Variants in DAP3 observed in about 807,000 individuals in gnomAD.
The protein encoded by DAP3 is death associated protein 3, also known as small ribosomal subunit protein mS29.
DAP3 carries 28 observed loss-of-function variants against 51.9 expected under a neutral mutation model. The observed-to-expected ratio is 0.54, with a 90% CI of 0.40 to 0.74. DAP3 has a LOEUF of 0.74. Ranked by LOEUF, DAP3 falls within the 30% of genes least tolerant of loss-of-function variation. The probability of loss-of-function intolerance (pLI) is 0.00; values close to 1 mark genes in which losing one functional copy is unlikely to be tolerated. For synonymous variants in DAP3, 170 were observed against 170.3 expected (o/e 1.00, Z 0.01); for missense variants, 458 against 483.5 (o/e 0.95, Z 0.49).
At chr1:155,688,182 G>A (rs1160741809), upstream of DAP3, 14 of 1,613,930 alleles carry the variant, frequency 8.7e-6, no homozygotes, top group Admixed American at 1.7e-5. Context: ...TTGTCAGGAG[G>A]CGGCCAGCGG....
At chr1:155,709,539 T>C (rs1001097217) in intron 1 of DAP3, among the ~76,000 whole-genome samples, 3 of 152,196 alleles carry the variant, frequency 2.0e-5, no homozygotes, top group Non-Finnish European at 4.4e-5. Context: ...CCCTGATTTG[T>C]AATGAGGTTC....
At chr1:155,728,351 CAGG>C (rs968478351) in intron 7 of DAP3, among the ~76,000 whole-genome samples, 1 of 152,156 alleles carries the variant, frequency 6.6e-6, no homozygotes, top group African/African-American at 2.4e-5. Flanking sequence ...CACCTGAGGT[CAGG>C]AGTTCAAGAT....
intron 1 of DAP3, among the ~76,000 whole-genome samples, chr1:155,707,106 AAAAC>A (rs1381954764): frequency 6.6e-6 from 1 of 151,430 alleles, no homozygotes; most frequent in South Asian, 2.1e-4. Context: ...AAACCAAAAC[AAAAC>A]AAACAAAAAA....
intron 4 of DAP3, among the ~76,000 whole-genome samples, chr1:155,722,596 A>G (rs1571528862): frequency 6.6e-6 from 1 of 151,896 alleles, no homozygotes; most frequent in South Asian, 2.1e-4. Flanking sequence ...CCCCTTCCAC[A>G]CTGTGGAAGC....
intron 8 of DAP3, 41 bp downstream of exon 8, chr1:155,729,163 G>A (rs1557795887): frequency 2.5e-6 from 4 of 1,614,130 alleles, no homozygotes; most frequent in Non-Finnish European, 2.5e-6. Flanking sequence ...GCGATAACAA[G>A]AGAAGGCCTC....
intron 3 of DAP3, among the ~76,000 whole-genome samples, chr1:155,718,809 A>C (rs12089268): frequency 6.5e-4 from 99 of 152,264 alleles, no homozygotes; most frequent in African/African-American, 2.3e-3. Context: ...ACACAAAATG[A>C]AGTAGAATAA....
At chr1:155,711,728 G>A (rs1004648764) in intron 2 of DAP3, among the ~76,000 whole-genome samples, 2 of 151,410 alleles carry the variant, frequency 1.3e-5, no homozygotes, top group East Asian at 3.9e-4. Context: ...TCCCACAGTA[G>A]GCCGTGAGCA....
chr1:155,689,004 G>C, upstream of DAP3: 1 of 1,596,978 alleles, frequency 6.3e-7, no homozygotes, highest in Non-Finnish European at 8.5e-7. Flanking sequence ...ATCGAGGGCG[G>C]CCTAGCGCCC....
At chr1:155,708,818 C>T (rs1656329251) in intron 1 of DAP3, among the ~76,000 whole-genome samples, 2 of 151,746 alleles carry the variant, frequency 1.3e-5, no homozygotes, top group South Asian at 4.2e-4. Flanking sequence ...CATTCTCCTG[C>T]CTCAGCCTCC....
intron 11 of DAP3, among the ~76,000 whole-genome samples, chr1:155,733,731 G>A (rs180684784): frequency 4.7e-4 from 72 of 152,238 alleles, no homozygotes; most frequent in African/African-American, 1.7e-3. Context: ...CAGTTACTCT[G>A]GAGGCTGAGG....
In DAP3 at chr1:155,694,441, C is replaced by A. The variant is rs193165144; in HGVS notation, c.-8+5267C>A. 3.7e-4 allele frequency among the ~76,000 whole-genome samples: 53 copies of A among 141,646 alleles called. 3 individuals carry two copies. The highest frequency in any genetic ancestry group is 2.6e-3 in the Admixed American group (40 of 15,132). The allele number at this position is 141,646 out of a possible 152,430, so 92.9% of individuals were successfully genotyped here. On this transcript the variant is annotated intron_variant, in intron 1 of 12. Coordinates refer to ENST00000368336, the MANE Select transcript of DAP3 (RefSeq NM_004632.4). ...CTGTAGCCACAGGGAGACTTACCAC[C>A]ATGGTAATTACCGCAATCATAGCTA... is the stretch of plus-strand genomic sequence containing the variant.
chr1:155,689,424 G>A (rs1214715605), intron 1 of DAP3: 1 of 469,974 alleles, frequency 2.1e-6, no homozygotes, highest in Non-Finnish European at 4.2e-6. Flanking sequence ...GTTTGCCCTT[G>A]ACGCACTTAC....
chr1:155,728,926 A>G lies in DAP3; in HGVS notation c.604-116A>G, dbSNP rs1021553238. ...CATTGAGGTCTCTTACAGAACCTGA[A>G]CAATAGATTAAAATGAACTCCTGTT... On this transcript the variant is annotated intron_variant, in intron 7 of 12. Transcript: ENST00000368336. The G allele has an allele frequency of 9.6e-6, 9 of 940,654 alleles. No individual in the cohort carries two copies. The East Asian group carries it at 2.0e-4, about 21-fold the overall frequency. 58.3% of individuals were successfully genotyped at this position (940,654 alleles called of 1,614,324 possible).
intron 4 of DAP3, among the ~76,000 whole-genome samples, chr1:155,723,970 C>T (rs1036260223): frequency 3.4e-5 from 5 of 148,884 alleles, no homozygotes; most frequent in African/African-American, 1.2e-4. Context: ...ACCCGGGAGG[C>T]GGAGGTTGCA....
At chr1:155,708,396 CTT>C (rs1025711482) in intron 1 of DAP3, among the ~76,000 whole-genome samples, 2 of 152,050 alleles carry the variant, frequency 1.3e-5, no homozygotes, top group African/African-American at 4.8e-5. Context: ...GTATTTTCAA[CTT>C]TGTTTTGTGC....
upstream of DAP3, chr1:155,688,414 C>CCCT: frequency 6.5e-7 from 1 of 1,545,428 alleles, no homozygotes. Flanking sequence ...TCCCACTCCT[C>CCCT]CCTCCTCGCG....
upstream of DAP3, chr1:155,688,492 A>T: frequency 6.5e-7 from 1 of 1,548,922 alleles, no homozygotes; most frequent in Non-Finnish European, 8.7e-7. Context: ...CCGCACGCGT[A>T]CGAGTGTCTA....
intron 1 of DAP3, among the ~76,000 whole-genome samples, chr1:155,706,829 A>C (rs1275838943): frequency 2.6e-5 from 4 of 151,384 alleles, no homozygotes; most frequent in Non-Finnish European, 5.9e-5. Flanking sequence ...GTGGTAATTC[A>C]CACCTGTAAT....
chr1:155,711,299 C>T (rs1656663988), intron 2 of DAP3, among the ~76,000 whole-genome samples: 1 of 152,092 alleles, frequency 6.6e-6, no homozygotes, highest in Admixed American at 6.6e-5. Context: ...TTGAGACCAG[C>T]CTGGCCAACA....
Sources: allele counts gnomAD v4.1 joint callset (sites outside exome capture counted in the v4.1 genomes callset), GRCh38; gene constraint gnomAD v4.1.1; transcripts MANE v1.5; gene names NCBI Gene and HGNC (gene_info 2026-07-23, HGNC 2026-07-21).